The following UBE2L6 variants were observed in gnomAD, a reference collection of about 807,000 sequenced individuals.
UBE2L6 encodes ubiquitin/ISG15-conjugating enzyme E2 L6.
A neutral mutation model predicts 13.6 loss-of-function variants in UBE2L6; 11 were observed. The observed-to-expected ratio is 0.81, with a 90% CI of 0.51 to 1.34. The LOEUF (loss-of-function observed/expected upper bound fraction) is 1.34, where lower values mean the gene tolerates loss of function less well. UBE2L6 is among the 40% of genes most tolerant of loss of function. The pLI is 0.00. For synonymous variants in UBE2L6, 74 were observed against 83.2 expected (o/e 0.89, Z 0.60); for missense variants, 197 against 199.5 (o/e 0.99, Z 0.07).
chr11:57,564,605 C>T (rs980759155), intron 1 of UBE2L6, among the ~76,000 whole-genome samples: 13 of 152,148 alleles, frequency 8.5e-5, no homozygotes, highest in African/African-American at 3.1e-4. Context: ...GAGTTCGAGA[C>T]CAGCCTGGCT....
chr11:57,553,626 C>T (rs944294932), intron 3 of UBE2L6, among the ~76,000 whole-genome samples: 3 of 151,864 alleles, frequency 2.0e-5, no homozygotes, highest in Non-Finnish European at 4.4e-5. Context: ...GTCAGGAGTT[C>T]GAGACCAGCC....
chr11:57,564,194 C>A (rs904483194), intron 1 of UBE2L6, among the ~76,000 whole-genome samples: 5 of 152,122 alleles, frequency 3.3e-5, no homozygotes, highest in African/African-American at 1.2e-4. Flanking sequence ...AGAAAGGGTC[C>A]TAACAGCAGC....
intron 1 of UBE2L6, among the ~76,000 whole-genome samples, chr11:57,564,937 G>A (rs757404468): frequency 7.2e-5 from 11 of 151,962 alleles, no homozygotes; most frequent in Admixed American, 3.9e-4. Context: ...TCAAGAGGTA[G>A]ACAGTACAAT....
chr11:57,563,648 T>A (rs574490925), intron 1 of UBE2L6, among the ~76,000 whole-genome samples: 1 of 151,042 alleles, frequency 6.6e-6, no homozygotes, highest in South Asian at 2.1e-4. Flanking sequence ...AACAAAGACT[T>A]TGGGAGGCCG....
intron 1 of UBE2L6, among the ~76,000 whole-genome samples, chr11:57,566,784 T>C (rs1945095346): frequency 1.3e-5 from 2 of 152,100 alleles, no homozygotes; most frequent in Non-Finnish European, 2.9e-5. Context: ...CCAGACTCAC[T>C]TCACCAGGAT....
intron 2 of UBE2L6, among the ~76,000 whole-genome samples, chr11:57,556,694 G>A (rs1159072055): frequency 2.0e-5 from 3 of 151,952 alleles, no homozygotes; most frequent in Admixed American, 6.6e-5. Flanking sequence ...AAAAGGCTGT[G>A]CCTATCAGTC....
chr11:57,564,574 C>T (rs1015334675), intron 1 of UBE2L6, among the ~76,000 whole-genome samples: 1 of 151,808 alleles, frequency 6.6e-6, no homozygotes, highest in African/African-American at 2.4e-5. Flanking sequence ...AGGCCAAAGC[C>T]GGTGGATCAC....
Position 57,566,956 on chromosome 11 carries a change from C to CGG in UBE2L6, c.27+628_27+629insCC. ...GTGTTCATCTCTGCCCGCCCCCCCC[C>CGG]CCCTCCTAGAACAGGGCCAGCACAT... On this transcript the variant is annotated intron_variant, in intron 1 of 3. Transcript: ENST00000287156. 1.3e-4 allele frequency: 27 copies of CGG among 213,480 alleles called. 1 individual carries two copies. Among genetic ancestry groups the CGG allele is most frequent in the South Asian group, 8.4e-4 (27 of 32,182 alleles). 13.2% of individuals were successfully genotyped at this position (213,480 alleles called of 1,614,324 possible).
At position 57,552,152 on chromosome 11, in the gene UBE2L6, C is replaced by T; in HGVS notation, c.*206G>A. Reference sequence around the variant, plus strand: ...GGGTGTGGGAAGGGTGCACCTGTGGCCAGGTGAACCTGGGAGTGAGTCCAT... The same window carrying T: ...GGGTGTGGGAAGGGTGCACCTGTGGTCAGGTGAACCTGGGAGTGAGTCCAT... On this transcript the variant is annotated 3_prime_UTR_variant, in exon 4 of 4. Transcript: ENST00000287156. 1 of 676,004 alleles carries T rather than the reference C, an allele frequency of 1.5e-6. No homozygotes were observed. The highest frequency in any genetic ancestry group is 2.4e-6 in the Non-Finnish European group (1 of 409,306). The allele number at this position is 676,004 out of a possible 1,614,324, so 41.9% of individuals were successfully genotyped here.
chr11:57,554,395 T>C (rs778803144), intron 3 of UBE2L6, 42 bp downstream of exon 3: 9 of 1,600,854 alleles, frequency 5.6e-6, no homozygotes, highest in Middle Eastern at 1.7e-4. Flanking sequence ...CAGTAATCTC[T>C]ACCCAGTATC....
chr11:57,567,623 G>A lies in UBE2L6; in HGVS notation c.-12C>T. 6.2e-7 allele frequency: 1 copy of A among 1,606,928 alleles called. No individual in the cohort carries two copies. Among genetic ancestry groups the A allele is most frequent in the Non-Finnish European group, 8.5e-7 (1 of 1,177,594 alleles). ...ATGCTCGCCATCATGTCGGGACCGA[G>A]TGTGTGGCACCCGTGGCCTCCAGCA... is the stretch of plus-strand genomic sequence containing the variant. On this transcript the variant is annotated 5_prime_UTR_variant, in exon 1 of 4. Transcript: ENST00000287156.
rs56964624 is a variant in UBE2L6 at position 57,560,810 on chromosome 11, CG to C, written c.28-379del. Reference sequence around the variant, plus strand: ...TAATTTTTTGTATTTTTAGTAGAGACGGGGTTTCACCGTGTTATCCAGGATG... The same window carrying C: ...TAATTTTTTGTATTTTTAGTAGAGACGGGTTTCACCGTGTTATCCAGGATG... On this transcript the variant is annotated intron_variant, in intron 1 of 3. Coordinates refer to ENST00000287156, the MANE Select transcript of UBE2L6 (RefSeq NM_004223.5). Among the ~76,000 whole-genome samples, 832 of 151,864 alleles carry C rather than the reference CG, an allele frequency of 5.5e-3. 11 individuals carry two copies. The highest frequency in any genetic ancestry group is 0.018 in the African/African-American group (755 of 41,430).
chr11:57,556,907 A>G (rs2848623), intron 2 of UBE2L6, among the ~76,000 whole-genome samples: 82,210 of 151,756 alleles, frequency 0.54, 22,745 homozygotes, highest in East Asian at 0.79. Context: ...GCAACATGAT[A>G]AAACCCCGCC....
chr11:57,561,636 A>T, intron 1 of UBE2L6, among the ~76,000 whole-genome samples: 1 of 152,150 alleles, frequency 6.6e-6, no homozygotes, highest in East Asian at 1.9e-4. Flanking sequence ...TGTCCTGCAG[A>T]AGGTTAATAG....
At chr11:57,566,837 C>T (rs1163407745) in intron 1 of UBE2L6, among the ~76,000 whole-genome samples, 1 of 152,098 alleles carries the variant, frequency 6.6e-6, no homozygotes, top group African/African-American at 2.4e-5. Flanking sequence ...TGGGTTTTCC[C>T]ACCTTCTGGA....
chr11:57,567,455 G>A (rs942907101), intron 1 of UBE2L6, 130 bp downstream of exon 1: 4 of 1,318,368 alleles, frequency 3.0e-6, no homozygotes, highest in African/African-American at 1.5e-5. Flanking sequence ...GGGAGGACAG[G>A]GATTCAGCCA....
chr11:57,557,517 C>T (rs954913433), intron 2 of UBE2L6, among the ~76,000 whole-genome samples: 2 of 151,794 alleles, frequency 1.3e-5, no homozygotes, highest in South Asian at 2.1e-4. Context: ...GCCTCAGCCT[C>T]CCAACTAGTT....
At position 57,554,457 on chromosome 11, in the gene UBE2L6, G is replaced by A; in HGVS notation, c.290C>T (p.Pro97Leu). 6.2e-7 allele frequency: 1 copy of A among 1,613,958 alleles called. No individual in the cohort carries two copies. The highest frequency in any genetic ancestry group is 8.5e-7 in the Non-Finnish European group (1 of 1,179,926). Reference sequence around the variant, plus strand: ...CCCACCTTGGCAAGTCTTGGTGCAAGGCTTCCAGTTCTCACTGCTGATGAT... The same window carrying A: ...CCCACCTTGGCAAGTCTTGGTGCAAAGCTTCCAGTTCTCACTGCTGATGAT... ...LPIISSENWK[P>L]CTKTCQVLEA... The change falls in exon 3 of 4, where the codon CCT becomes CTT. Residue 97 changes from proline to leucine, a missense_variant. Coordinates refer to ENST00000287156, the MANE Select transcript of UBE2L6 (RefSeq NM_004223.5).
At chr11:57,567,084 A>C (rs1194817298) in intron 1 of UBE2L6, 1 of 456,306 alleles carries the variant, frequency 2.2e-6, no homozygotes, top group Admixed American at 2.4e-5. Context: ...TACTCAGGGA[A>C]CTTTGTCCCA....
Sources: allele counts gnomAD v4.1 joint callset (sites outside exome capture counted in the v4.1 genomes callset), GRCh38; gene constraint gnomAD v4.1.1; transcripts MANE v1.5; gene names NCBI Gene and HGNC (gene_info 2026-07-23, HGNC 2026-07-21).